The following ATP9B variants were observed in gnomAD, a reference collection of about 807,000 sequenced individuals.
The protein encoded by ATP9B is ATPase phospholipid transporting 9B, also known as probable phospholipid-transporting ATPase IIB.
A neutral mutation model predicts 146.1 loss-of-function variants in ATP9B; 110 were observed. The observed-to-expected ratio is 0.75, with a 90% CI of 0.65 to 0.88. ATP9B has a LOEUF of 0.88. ATP9B is among the 40% of genes least tolerant of loss of function. ATP9B has a pLI of 0.00. For missense variants in ATP9B, 1,499 were observed against 1,496.4 expected (o/e 1.00, Z -0.03); for synonymous variants, 604 against 569.7 (o/e 1.06, Z -0.86).
At chr18:79,245,118 T>C (rs2095930899) in intron 11 of ATP9B, among the ~76,000 whole-genome samples, 1 of 152,232 alleles carries the variant, frequency 6.6e-6, no homozygotes, top group South Asian at 2.1e-4. Context: ...CCTGCAGAGC[T>C]TGCTGGCTTG....
chr18:79,088,380 CTG>C lies in ATP9B; in HGVS notation c.120-8094_120-8093del, dbSNP rs149415973. Among the ~76,000 whole-genome samples, 40 of 152,182 alleles carry C rather than the reference CTG, an allele frequency of 2.6e-4. No individual in the cohort carries two copies. In the East Asian group the frequency reaches 5.0e-3, roughly 19 times the overall value. ...GTATAAATACTCATTTTCTAGTTGA[CTG>C]TTTTAAAAGAAGTGATCTCATACAG... On this transcript the variant is annotated intron_variant, in intron 1 of 29. Transcript: ENST00000426216.
intron 7 of ATP9B, among the ~76,000 whole-genome samples, chr18:79,167,537 G>C (rs2094989798): frequency 1.3e-5 from 2 of 152,080 alleles, no homozygotes; most frequent in Non-Finnish European, 1.5e-5. Context: ...GGCTTGTGGA[G>C]TGTGCAGCCC....
chr18:79,241,387 A>C (rs1001547681), intron 11 of ATP9B, among the ~76,000 whole-genome samples: 17 of 152,200 alleles, frequency 1.1e-4, no homozygotes, highest in Admixed American at 3.3e-4. Flanking sequence ...TGAGATTTTC[A>C]AGCTTTTCTT....
chr18:79,200,750 T>TGGAGGTGGGAACTGTCGGGGAGCAGAGGC (rs1568388691), intron 9 of ATP9B, among the ~76,000 whole-genome samples: 1 of 73,882 alleles, frequency 1.4e-5, no homozygotes, highest in Non-Finnish European at 2.7e-5. Context: ...AGAGCAGAGG[T>TGGAGGTGGGAACTGTCGGGGAGCAGAGGC]GGAGGTGGGA....
intron 7 of ATP9B, among the ~76,000 whole-genome samples, chr18:79,167,472 C>CAG (rs1432538867): frequency 6.6e-6 from 1 of 152,026 alleles, no homozygotes; most frequent in Non-Finnish European, 1.5e-5. Flanking sequence ...GTTGAGTGTG[C>CAG]AGCCCTCAGC....
chr18:79,314,255 G>A (rs986297042), intron 15 of ATP9B, among the ~76,000 whole-genome samples: 2 of 152,140 alleles, frequency 1.3e-5, no homozygotes, highest in Non-Finnish European at 2.9e-5. Context: ...TGTTTGTGGC[G>A]CTGTGTCATC....
intron 7 of ATP9B, among the ~76,000 whole-genome samples, chr18:79,158,956 C>G (rs1401484083): frequency 6.6e-6 from 1 of 152,020 alleles, no homozygotes; most frequent in Non-Finnish European, 1.5e-5. Flanking sequence ...TCTGTTTTTC[C>G]TTCTATTCTG....
Position 79,336,803 on chromosome 18 carries a change from G to T in ATP9B, c.2112+92G>T, listed in dbSNP as rs371021924. 2.5e-3 allele frequency: 3,306 copies of T among 1,341,848 alleles called. 7 individuals are homozygous for T. Among genetic ancestry groups the T allele is most frequent in the Non-Finnish European group, 3.0e-3 (2,846 of 957,406 alleles). 83.1% of individuals were successfully genotyped at this position (1,341,848 alleles called of 1,614,324 possible). On this transcript the variant is annotated intron_variant, in intron 18 of 29. Transcript: ENST00000426216. ...CCTGTCTTTGTATGAAATTAGAGCT[G>T]GGATCGCTATAGTCTAGGAGTGAAG...
At chr18:79,152,019 A>C (rs909905723) in intron 6 of ATP9B, among the ~76,000 whole-genome samples, 11 of 152,260 alleles carry the variant, frequency 7.2e-5, no homozygotes, top group African/African-American at 2.4e-4. Flanking sequence ...GGCAAAGGAT[A>C]TGAACAGACG....
intron 6 of ATP9B, among the ~76,000 whole-genome samples, chr18:79,151,543 G>A (rs2094689169): frequency 6.6e-6 from 1 of 152,108 alleles, no homozygotes; most frequent in Admixed American, 6.5e-5. Context: ...CATTGCTGTT[G>A]CAGGTGTGCC....
At chr18:79,316,650 G>A (rs549131214) in intron 15 of ATP9B, among the ~76,000 whole-genome samples, 30 of 152,228 alleles carry the variant, frequency 2.0e-4, no homozygotes, top group Admixed American at 1.1e-3. Flanking sequence ...CAGCCAACAC[G>A]TCAGAGAGCA....
At chr18:79,202,345 AG>A (rs1303853756) in intron 9 of ATP9B, among the ~76,000 whole-genome samples, 1 of 152,218 alleles carries the variant, frequency 6.6e-6, no homozygotes, top group Non-Finnish European at 1.5e-5. Context: ...AAGTATTAGC[AG>A]TATTTATAGT....
chr18:79,081,544 A>C (rs952091485), intron 1 of ATP9B, among the ~76,000 whole-genome samples: 3 of 151,064 alleles, frequency 2.0e-5, no homozygotes, highest in Admixed American at 6.6e-5. Flanking sequence ...CTATTCAGCT[A>C]ATCTTTTCAA....
intron 2 of ATP9B, among the ~76,000 whole-genome samples, chr18:79,100,864 T>G (rs1483072855): frequency 6.6e-6 from 1 of 152,140 alleles, no homozygotes. Flanking sequence ...CTCCTGTTTT[T>G]AAAATCATCA....
At chr18:79,087,389 A>G (rs1039637054) in intron 1 of ATP9B, 8 of 152,244 alleles carry the variant, frequency 5.3e-5, no homozygotes, top group African/African-American at 1.9e-4. Context: ...GAGAGTCCCA[A>G]TTTCTCATTA....
chr18:79,147,961 A>C (rs1317529826), intron 6 of ATP9B, among the ~76,000 whole-genome samples: 1 of 152,222 alleles, frequency 6.6e-6, no homozygotes, highest in Non-Finnish European at 1.5e-5. Flanking sequence ...GTGATGTCAC[A>C]AATCACCAGT....
intron 18 of ATP9B, among the ~76,000 whole-genome samples, chr18:79,337,016 C>G (rs1568737090): frequency 6.6e-6 from 1 of 152,186 alleles, no homozygotes; most frequent in Non-Finnish European, 1.5e-5. Flanking sequence ...TGCACATAGG[C>G]GCCTCCCCCT....
intron 15 of ATP9B, among the ~76,000 whole-genome samples, chr18:79,314,907 G>A (rs956208817): frequency 6.6e-6 from 1 of 152,252 alleles, no homozygotes; most frequent in African/African-American, 2.4e-5. Context: ...TGAGTGCAGA[G>A]GGTGTCAGCT....
chr18:79,324,318 T>C (rs2096732544), intron 15 of ATP9B, among the ~76,000 whole-genome samples: 1 of 152,202 alleles, frequency 6.6e-6, no homozygotes, highest in African/African-American at 2.4e-5. Context: ...AATGTGATCC[T>C]GTTTGTCCAT....
Sources: allele counts gnomAD v4.1 joint callset (sites outside exome capture counted in the v4.1 genomes callset), GRCh38; gene constraint gnomAD v4.1.1; transcripts MANE v1.5; gene names NCBI Gene and HGNC (gene_info 2026-07-23, HGNC 2026-07-21).